DNAH8: variants seen among roughly 807,000 people sequenced by gnomAD.
DNAH8 encodes axonemal beta dynein heavy chain 8.
Under a neutral mutation model 562.1 loss-of-function variants are expected in DNAH8, and 382 were observed. That is an observed-to-expected ratio of 0.68 (90% CI 0.63 to 0.74). The LOEUF (loss-of-function observed/expected upper bound fraction) is 0.74. Among genes scored for constraint, DNAH8 ranks in the 30% least tolerant of loss-of-function variants. DNAH8 has a pLI of 0.00. For synonymous variants in DNAH8, 1,881 were observed against 1,919.4 expected (o/e 0.98, Z 0.52); for missense variants, 5,203 against 5,620.4 (o/e 0.93, Z 2.37).
intron 11 of DNAH8, 103 bp from the exon 12 acceptor site, chr6:38,770,310 T>C: frequency 1.6e-6 from 1 of 640,628 alleles, no homozygotes; most frequent in Non-Finnish European, 2.5e-6. Flanking sequence ...TATACAGATT[T>C]TCACAGTTTG....
In DNAH8 at chr6:38,832,371, A is replaced by G. The variant is rs772809690; in HGVS notation, c.4238A>G (p.Asn1413Ser). ...CAAGTGCAGCCAAAGTTTAAAAGCA[A>G]TCTACTTGAGTCTGTGGAAGTTTTT... ...LVQVQPKFKS[N>S]LLESVEVFRE... The change falls in exon 31 of 93, where the codon AAT becomes AGT. Residue 1413 changes from asparagine to serine, a missense_variant. By Grantham distance (46) the Asn-to-Ser change is conservative (BLOSUM62 1). Around this residue, in one of 6 missense-constraint regions of DNAH8, gnomAD observed 2,176 missense variants for 2,365.1 expected, o/e 0.92. Transcript: ENST00000327475. 1.2e-6 allele frequency: 2 copies of G among 1,613,964 alleles called. No individual in the cohort carries two copies. The highest frequency in any genetic ancestry group is 1.7e-6 in the Non-Finnish European group (2 of 1,179,886).
chr6:39,012,798 A>G (rs1041307901), intron 91 of DNAH8, among the ~76,000 whole-genome samples, 161 bp downstream of exon 91: 2 of 152,174 alleles, frequency 1.3e-5, no homozygotes, highest in Non-Finnish European at 2.9e-5. Flanking sequence ...ATTCTTCTGT[A>G]TTTGTTTTAC....
chr6:38,831,496 G>A (rs543894037), intron 30 of DNAH8, among the ~76,000 whole-genome samples: 2 of 151,214 alleles, frequency 1.3e-5, no homozygotes, highest in Non-Finnish European at 2.9e-5. Context: ...CTCTTTAATG[G>A]TTAGTGTTAA....
intron 88 of DNAH8, among the ~76,000 whole-genome samples, chr6:38,999,159 T>TA (rs1460264901): frequency 6.6e-6 from 1 of 152,130 alleles, no homozygotes; most frequent in East Asian, 1.9e-4. Flanking sequence ...GATCATCTCA[T>TA]AAAAAATTAA....
intron 78 of DNAH8, among the ~76,000 whole-genome samples, 160 bp from the exon 79 acceptor site, chr6:38,938,638 G>A (rs1483005609): frequency 6.6e-6 from 1 of 152,056 alleles, no homozygotes; most frequent in African/African-American, 2.4e-5. Flanking sequence ...ATAACTAATG[G>A]GTACTAGGCT....
chr6:38,778,397 C>T lies in DNAH8; in HGVS notation c.1972C>T (p.Gln658Ter). 1 of 1,543,248 alleles carries T rather than the reference C, an allele frequency of 6.5e-7. No individual in the cohort carries two copies. Among genetic ancestry groups the T allele is most frequent in the Non-Finnish European group, 8.9e-7 (1 of 1,122,058 alleles). Residue 658 changes from glutamine to a stop codon, truncating the protein, a stop_gained, in exon 14 of 93, where the codon CAG becomes TAG. Transcript: ENST00000327475. LOFTEE classifies it high-confidence loss of function. ...TKINGLEVQIQAFMNSSFGKI... is the reference protein window; with the variant it reads ...TKINGLEVQI ...TAATATTTTATTTTAGGTACAAATA[C>T]AGGCATTTATGAACAGTAGTTTTGG...
In DNAH8 at chr6:38,765,866, G is replaced by A. The variant is rs754570721; in HGVS notation, c.1617+4063G>A. 6.0e-4 allele frequency among the ~76,000 whole-genome samples: 92 copies of A among 152,224 alleles called. No individual in the cohort carries two copies. The Middle Eastern group carries it at 0.01, about 17-fold the overall frequency. On this transcript the variant is annotated intron_variant, in intron 11 of 92. Transcript: ENST00000327475. ...GTGAGGATGTGCATGCTCTTGGTAG[G>A]AATGTAAATTAGTGTAGCCATTATG... is the stretch of plus-strand genomic sequence containing the variant.
Position 38,945,585 on chromosome 6 carries a change from C to G in DNAH8, c.12126C>G (p.Asn4042Lys). The change falls in exon 80 of 93, where the codon AAC (asparagine) becomes AAG (lysine). Residue 4042 changes from asparagine to lysine, a missense_variant. Physicochemically the swap from Asn to Lys is moderately conservative, Grantham distance 94. Transcript: ENST00000327475. Reference protein sequence around the residue: ...SKLPQFAEIMNQISRNEKGWK... With the variant: ...SKLPQFAEIMKQISRNEKGWK... Reference sequence around the variant, plus strand: ...TTCCACAATTTGCAGAAATTATGAACCAGGTAATACAATAAAGGGCTGGTT... The same window carrying G: ...TTCCACAATTTGCAGAAATTATGAAGCAGGTAATACAATAAAGGGCTGGTT... 6.2e-7 allele frequency: 1 copy of G among 1,613,898 alleles called. No homozygotes were observed. Among genetic ancestry groups the G allele is most frequent in the East Asian group, 2.2e-5 (1 of 44,868 alleles).
At chr6:38,737,284 A>G in intron 6 of DNAH8, 28 bp downstream of exon 6, 1 of 1,340,748 alleles carries the variant, frequency 7.5e-7, no homozygotes, top group East Asian at 2.7e-5. Flanking sequence ...TGTTTAGCAA[A>G]TTGCAAAAAA....
intron 29 of DNAH8, among the ~76,000 whole-genome samples, chr6:38,827,733 CTTTTTTTTTTTTTTTTTTTTTTT>C (rs562852660): frequency 1.3e-4 from 7 of 52,240 alleles, no homozygotes; most frequent in Non-Finnish European, 1.9e-4. Context: ...CTTTACCAAA[CTTTTTTTTTTTTTTTTTTTTTTT>C]TTTTTTTTTT....
chr6:38,990,150 C>CT lies in DNAH8; in HGVS notation c.13194dup (p.His4399SerfsTer3). ...CCTAGATAACCCTGAAGTCTTTGGG[C>CT]TTCACCCTAATGCTGATATCACGTA... is the stretch of plus-strand genomic sequence containing the variant. On this transcript the variant is annotated frameshift_variant, in exon 88 of 93. Coordinates refer to ENST00000327475, the MANE Select transcript of DNAH8 (RefSeq NM_001206927.2). LOFTEE classifies it high-confidence loss of function. 6.2e-7 allele frequency: 1 copy of CT among 1,611,128 alleles called. No individual in the cohort carries two copies. The highest frequency in any genetic ancestry group is 1.3e-5 in the African/African-American group (1 of 74,928).
chr6:38,832,365 A>C lies in DNAH8; in HGVS notation c.4232A>C (p.Lys1411Thr). The C allele has an allele frequency of 6.2e-7, 1 of 1,613,950 alleles. No homozygotes were observed. The highest frequency in any genetic ancestry group is 8.5e-7 in the Non-Finnish European group (1 of 1,179,866). The change falls in exon 31 of 93, where the codon AAA (lysine) becomes ACA (threonine). Residue 1411 changes from lysine to threonine, a missense_variant. Physicochemically the swap from Lys to Thr is moderately conservative, Grantham distance 78. This residue lies in a region of DNAH8 where 2,176 missense variants were observed against 2,365.1 expected (regional missense o/e 0.92). Coordinates refer to ENST00000327475, the MANE Select transcript of DNAH8 (RefSeq NM_001206927.2). ...EDLVQVQPKF[K>T]SNLLESVEVF... ...CTAGTTCAAGTGCAGCCAAAGTTTAAAAGCAATCTACTTGAGTCTGTGGAA... is the reference window on the plus strand; with the variant it reads ...CTAGTTCAAGTGCAGCCAAAGTTTACAAGCAATCTACTTGAGTCTGTGGAA...
At chr6:38,991,730 G>A (rs1327314706) in intron 88 of DNAH8, among the ~76,000 whole-genome samples, 1 of 152,080 alleles carries the variant, frequency 6.6e-6, no homozygotes, top group Non-Finnish European at 1.5e-5. Flanking sequence ...CTGTTACTCA[G>A]ACAGGCCAGA....
chr6:38,942,601 A>T (rs991785587), intron 79 of DNAH8, among the ~76,000 whole-genome samples: 2 of 152,206 alleles, frequency 1.3e-5, no homozygotes, highest in Non-Finnish European at 2.9e-5. Context: ...CAGAGACTAG[A>T]GGTCAAACCA....
chr6:38,995,790 C>A (rs1318829967), intron 88 of DNAH8, among the ~76,000 whole-genome samples: 3 of 152,162 alleles, frequency 2.0e-5, no homozygotes, highest in Non-Finnish European at 4.4e-5. Context: ...CTCTGTAGAC[C>A]TTGGTCTGAA....
At position 38,737,255 on chromosome 6, in the gene DNAH8, T is replaced by C. The variant is rs1764173944; in HGVS notation, c.951T>C (p.Asp317=). The change falls in exon 6 of 93, where the codon GAT becomes GAC. Residue 317 remains aspartate, a splice_region_variant and synonymous_variant. Coordinates refer to ENST00000327475, the MANE Select transcript of DNAH8 (RefSeq NM_001206927.2). ...TCAACAGATATCTTTCATTTTTAGATGGTAAGTATAAAATTTAATGTTTAG... is the reference window on the plus strand; with the variant it reads ...TCAACAGATATCTTTCATTTTTAGACGGTAAGTATAAAATTTAATGTTTAG... The part of the protein sequence containing the change: ...ETINRYLSFL[D]GARISIEGTV... The C allele has an allele frequency of 2.8e-6, 4 of 1,428,308 alleles. No individual in the cohort carries two copies. The highest frequency in any genetic ancestry group is 1.9e-4 in the Middle Eastern group (1 of 5,396). 88.5% of individuals were successfully genotyped at this position (1,428,308 alleles called of 1,614,324 possible).
intron 76 of DNAH8, chr6:38,932,969 A>C (rs1314339226): frequency 6.6e-6 from 1 of 152,446 alleles, no homozygotes; most frequent in East Asian, 1.9e-4. Flanking sequence ...TGACTCTCTT[A>C]GTTGTTTGAT....
At chr6:39,013,165 T>C (rs1001110116) in intron 91 of DNAH8, among the ~76,000 whole-genome samples, 1 of 152,244 alleles carries the variant, frequency 6.6e-6, no homozygotes, top group Non-Finnish European at 1.5e-5. Context: ...TCCTTCCTTC[T>C]AGAAATGTTT....
chr6:38,947,199 C>T (rs1406008831), intron 80 of DNAH8, among the ~76,000 whole-genome samples: 1 of 152,208 alleles, frequency 6.6e-6, no homozygotes, highest in Non-Finnish European at 1.5e-5. Context: ...TCCCACTCCT[C>T]TTACACCACC....
Sources: allele counts gnomAD v4.1 joint callset (sites outside exome capture counted in the v4.1 genomes callset), GRCh38; gene constraint gnomAD v4.1.1; regional missense constraint gnomAD v4.1.1; transcripts MANE v1.5; gene names NCBI Gene and HGNC (gene_info 2026-07-23, HGNC 2026-07-21).